CHRM2: variants seen among roughly 807,000 people sequenced by gnomAD.
CHRM2 encodes the protein cholinergic receptor muscarinic 2, also known as muscarinic acetylcholine receptor M2.
In CHRM2, 8 loss-of-function variants were observed where a neutral mutation model predicts 25.0. That is an observed-to-expected ratio of 0.32 (90% CI 0.19 to 0.58). The LOEUF is 0.58. Among genes scored for constraint, CHRM2 ranks in the 20% least tolerant of loss-of-function variants. The pLI is 0.88. For synonymous variants in CHRM2, 202 were observed against 205.7 expected (o/e 0.98, Z 0.15); for missense variants, 440 against 567.1 (o/e 0.78, Z 2.28).
chr7:136,983,626 G>A (rs921656395), intron 2 of CHRM2, among the ~76,000 whole-genome samples: 5 of 152,130 alleles, frequency 3.3e-5, no homozygotes, highest in African/African-American at 7.2e-5. Flanking sequence ...TTACGTGGAC[G>A]TACTTTTTGT....
chr7:137,011,365 G>T (rs918513185), intron 3 of CHRM2, among the ~76,000 whole-genome samples: 1 of 151,820 alleles, frequency 6.6e-6, no homozygotes, highest in Admixed American at 6.6e-5. Context: ...GAAGTGGATG[G>T]TGTAACTCTT....
At chr7:136,962,140 TG>T (rs1288265634) in intron 2 of CHRM2, among the ~76,000 whole-genome samples, 1 of 30,516 alleles carries the variant, frequency 3.3e-5, no homozygotes, top group East Asian at 3.8e-4. Flanking sequence ...CTGGTAATTC[TG>T]TTTTTTTTTT....
chr7:136,999,370 C>T (rs1273562107), intron 3 of CHRM2, among the ~76,000 whole-genome samples: 1 of 151,928 alleles, frequency 6.6e-6, no homozygotes, highest in East Asian at 1.9e-4. Flanking sequence ...TATCCTGGAA[C>T]TTTAAATAAA....
chr7:136,938,305 C>CA, intron 2 of CHRM2: 2 of 1,227,164 alleles, frequency 1.6e-6, no homozygotes, highest in Non-Finnish European at 2.4e-6. Flanking sequence ...GTTGATGTAG[C>CA]TCTCGAACAT....
intron 2 of CHRM2, among the ~76,000 whole-genome samples, chr7:136,954,262 C>G (rs1800589525): frequency 6.6e-6 from 1 of 152,124 alleles, no homozygotes; most frequent in Non-Finnish European, 1.5e-5. Flanking sequence ...TCCACAATGC[C>G]ATTATTTTAA....
At chr7:136,985,432 C>T (rs1802782023) in intron 2 of CHRM2, among the ~76,000 whole-genome samples, 1 of 150,014 alleles carries the variant, frequency 6.7e-6, no homozygotes, top group Non-Finnish European at 1.5e-5. Context: ...ATCGCTTGAA[C>T]CCGGCAGGCG....
At chr7:136,968,262 T>C (rs561284691) in intron 2 of CHRM2, among the ~76,000 whole-genome samples, 1 of 152,070 alleles carries the variant, frequency 6.6e-6, no homozygotes, top group Non-Finnish European at 1.5e-5. Flanking sequence ...AAATGACTGA[T>C]AAGTATATGA....
intron 2 of CHRM2, among the ~76,000 whole-genome samples, chr7:136,922,610 T>C (rs2130741306): frequency 6.6e-6 from 1 of 152,302 alleles, no homozygotes; most frequent in East Asian, 1.9e-4. Context: ...CCACACATCA[T>C]ATTCTGGCTT....
At position 136,949,250 on chromosome 7, in the gene CHRM2, T is replaced by A. The variant is rs562442285; in HGVS notation, c.-124-42937T>A. Among the ~76,000 whole-genome samples the A allele has an allele frequency of 5.1e-4, 77 of 152,246 alleles. 1 individual carries two copies. The highest frequency in any genetic ancestry group is 9.8e-4 in the Admixed American group (15 of 15,290). ...TTTAGAGATAAGTAGCTTCATTTTT[T>A]AAAAGATGAAGACACAGAAACTCAG... On this transcript the variant is annotated intron_variant, in intron 2 of 3. Transcript: ENST00000680005.
At chr7:136,891,831 C>G (rs1475952418) in intron 2 of CHRM2, among the ~76,000 whole-genome samples, 1 of 152,186 alleles carries the variant, frequency 6.6e-6, no homozygotes, top group Non-Finnish European at 1.5e-5. Context: ...ATTGTTCAGT[C>G]TGATTATCTG....
chr7:136,913,092 T>C (rs1479519463), intron 2 of CHRM2, among the ~76,000 whole-genome samples: 2 of 151,928 alleles, frequency 1.3e-5, no homozygotes, highest in Non-Finnish European at 2.9e-5. Flanking sequence ...GTAAATAAAT[T>C]TATAACTACT....
At chr7:137,004,492 T>C (rs1214939831) in intron 3 of CHRM2, among the ~76,000 whole-genome samples, 1 of 152,054 alleles carries the variant, frequency 6.6e-6, no homozygotes, top group African/African-American at 2.4e-5. Context: ...TATTTAAATA[T>C]TGATGTAGTC....
chr7:136,883,581 T>C (rs954649243), intron 2 of CHRM2, among the ~76,000 whole-genome samples: 2 of 152,188 alleles, frequency 1.3e-5, no homozygotes, highest in Admixed American at 6.5e-5. Context: ...TGAATACTTC[T>C]ATGGAAGGTT....
intron 2 of CHRM2, among the ~76,000 whole-genome samples, chr7:136,926,000 G>T (rs1386229117): frequency 6.6e-6 from 1 of 152,178 alleles, no homozygotes; most frequent in Admixed American, 6.5e-5. Flanking sequence ...ATTTTGGGAG[G>T]CCGAGGTGGG....
At chr7:136,876,324 G>T (rs967558144) in intron 2 of CHRM2, among the ~76,000 whole-genome samples, 2 of 152,086 alleles carry the variant, frequency 1.3e-5, no homozygotes, top group Non-Finnish European at 2.9e-5. Context: ...ACTTGTTAGG[G>T]ATACAGATGA....
At chr7:136,881,165 A>AT (rs1184777868) in intron 2 of CHRM2, among the ~76,000 whole-genome samples, 3 of 148,962 alleles carry the variant, frequency 2.0e-5, no homozygotes, top group Admixed American at 6.8e-5. Context: ...ACAACCACTG[A>AT]TTTTTTTACT....
intron 3 of CHRM2, 68 bp downstream of exon 3, chr7:136,992,332 A>T (rs2131023041): frequency 6.6e-6 from 1 of 152,298 alleles, no homozygotes; most frequent in South Asian, 2.1e-4. Context: ...AGTTGTTGTG[A>T]AGTCACAATA....
At chr7:136,910,945 C>T (rs1299087403) in intron 2 of CHRM2, among the ~76,000 whole-genome samples, 1 of 151,724 alleles carries the variant, frequency 6.6e-6, no homozygotes, top group Non-Finnish European at 1.5e-5. Context: ...TATATGTCCC[C>T]ATATACAAAT....
intron 2 of CHRM2, among the ~76,000 whole-genome samples, chr7:136,970,275 T>C (rs186919222): frequency 1.5e-4 from 23 of 152,338 alleles, no homozygotes; most frequent in Non-Finnish European, 2.5e-4. Context: ...TTTTTGTCTC[T>C]ATCTCTTTAT....
Sources: gnomAD v4.1 joint callset for allele counts (sites outside exome capture counted in the v4.1 genomes callset) on GRCh38, gnomAD v4.1.1 for gene constraint, MANE v1.5 for transcripts, NCBI Gene and HGNC (gene_info 2026-07-23, HGNC 2026-07-21) for gene names.